BANK1: variants seen among roughly 807,000 people sequenced by gnomAD.
The protein encoded by BANK1 is B cell scaffold protein with ankyrin repeats 1, also known as B-cell scaffold protein with ankyrin repeats.
Under a neutral mutation model 94.5 loss-of-function variants are expected in BANK1, and 95 were observed. That is an observed-to-expected ratio of 1.00 (90% CI 0.85 to 1.19). The LOEUF is 1.19. BANK1 is among the 50% of genes most tolerant of loss of function. The probability of loss-of-function intolerance (pLI) is 0.00; values close to 1 mark genes in which losing one functional copy is unlikely to be tolerated. For synonymous variants in BANK1, 334 were observed against 308.4 expected, an observed-to-expected ratio of 1.08 and a Z score of -0.87; for missense variants, 987 against 932.2, an observed-to-expected ratio of 1.06 and a Z score of -0.77.
intron 1 of BANK1, among the ~76,000 whole-genome samples, chr4:101,799,800 G>T (rs940715558): frequency 6.6e-6 from 1 of 152,156 alleles, no homozygotes; most frequent in Non-Finnish European, 1.5e-5. Flanking sequence ...CATGAACCTG[G>T]GAGGCGGAGC....
intron 6 of BANK1, among the ~76,000 whole-genome samples, chr4:101,898,718 T>C (rs1722175632): frequency 6.6e-6 from 1 of 152,086 alleles, no homozygotes; most frequent in Non-Finnish European, 1.5e-5. Flanking sequence ...TAGAGTTATT[T>C]TGGTAAATTC....
intron 6 of BANK1, among the ~76,000 whole-genome samples, chr4:101,899,660 A>G (rs1722207985): frequency 6.6e-6 from 1 of 152,226 alleles, no homozygotes; most frequent in Non-Finnish European, 1.5e-5. Flanking sequence ...GCTTACAAAC[A>G]TACTGTGGTT....
intron 2 of BANK1, among the ~76,000 whole-genome samples, chr4:101,834,221 G>A (rs13145909): frequency 0.42 from 63,984 of 151,924 alleles, 13,801 homozygotes; most frequent in African/African-American, 0.48. Flanking sequence ...TTCTATTCAT[G>A]CTCGGTAAGA....
At chr4:102,027,944 A>G (rs1463339972) in intron 9 of BANK1, among the ~76,000 whole-genome samples, 1 of 152,112 alleles carries the variant, frequency 6.6e-6, no homozygotes, top group Non-Finnish European at 1.5e-5. Context: ...TCTTTTTTAT[A>G]CAGTCTTGAC....
At chr4:102,024,160 A>G (rs1727003632) in intron 8 of BANK1, among the ~76,000 whole-genome samples, 1 of 152,192 alleles carries the variant, frequency 6.6e-6, no homozygotes, top group Admixed American at 6.5e-5. Flanking sequence ...TCTACATTCT[A>G]CAGTGTAATT....
chr4:101,793,731 G>A (rs1725067063), intron 1 of BANK1, among the ~76,000 whole-genome samples: 1 of 152,140 alleles, frequency 6.6e-6, no homozygotes, highest in Non-Finnish European at 1.5e-5. Flanking sequence ...CAAAATCCAA[G>A]AGAAGAAATC....
intron 5 of BANK1, among the ~76,000 whole-genome samples, chr4:101,886,904 G>A (rs187845989): frequency 1.2e-3 from 179 of 152,150 alleles, no homozygotes; most frequent in African/African-American, 3.8e-3. Context: ...GATGCTAGTC[G>A]TTCCCCAGTA....
intron 2 of BANK1, among the ~76,000 whole-genome samples, chr4:101,846,937 G>A (rs889816282): frequency 6.6e-6 from 1 of 152,124 alleles, no homozygotes; most frequent in African/African-American, 2.4e-5. Context: ...TTCATTTATT[G>A]CTCAGAACCT....
chr4:101,936,435 T>G (rs1047595200), intron 7 of BANK1, among the ~76,000 whole-genome samples: 1 of 150,242 alleles, frequency 6.7e-6, no homozygotes, highest in African/African-American at 2.4e-5. Context: ...ATGTATAAGA[T>G]GTATACATGT....
intron 13 of BANK1, among the ~76,000 whole-genome samples, chr4:102,067,113 T>A (rs1407463504): frequency 6.6e-6 from 1 of 152,026 alleles, no homozygotes; most frequent in Non-Finnish European, 1.5e-5. Context: ...TGTTTTATTT[T>A]AAAAATAGAA....
chr4:101,790,857 G>A lies in BANK1; in HGVS notation c.-24G>A, dbSNP rs1401482303. The stretch of plus-strand genomic sequence containing the variant: ...AGCGCTCGGCGGGCAGCAGTGCGCA[G>A]GCCCCTCGGCTTCAACCGCCACAAT... On this transcript the variant is annotated 5_prime_UTR_variant, in exon 1 of 17. Transcript: ENST00000322953. 4 of 1,535,716 alleles carry A rather than the reference G, an allele frequency of 2.6e-6. 1 individual carries two copies. Among genetic ancestry groups the A allele is most frequent in the Non-Finnish European group, 3.5e-6 (4 of 1,145,476 alleles).
At chr4:101,928,780 C>CA (rs1295243343) in intron 7 of BANK1, among the ~76,000 whole-genome samples, 1 of 151,704 alleles carries the variant, frequency 6.6e-6, no homozygotes, top group African/African-American at 2.4e-5. Flanking sequence ...AATAAGCCCA[C>CA]AGTGCAACTA....
intron 5 of BANK1, among the ~76,000 whole-genome samples, chr4:101,884,766 C>T (rs1433592736): frequency 6.6e-6 from 1 of 152,202 alleles, no homozygotes; most frequent in Non-Finnish European, 1.5e-5. Context: ...CATATCTCAA[C>T]AGTTCTAACA....
intron 7 of BANK1, among the ~76,000 whole-genome samples, chr4:101,994,810 T>C (rs2850378): frequency 0.36 from 55,301 of 151,984 alleles, 10,808 homozygotes; most frequent in Non-Finnish European, 0.43. Flanking sequence ...AAAATCACTT[T>C]ATTGCACAGA....
At chr4:101,894,657 A>G (rs1560620844) in intron 5 of BANK1, among the ~76,000 whole-genome samples, 2 of 152,018 alleles carry the variant, frequency 1.3e-5, no homozygotes. Context: ...CGTCCCAGTC[A>G]TAGCATGACA....
At chr4:102,020,454 T>C (rs890757677) in intron 7 of BANK1, among the ~76,000 whole-genome samples, 3 of 152,112 alleles carry the variant, frequency 2.0e-5, no homozygotes, top group Admixed American at 2.0e-4. Flanking sequence ...TAAAAAATAC[T>C]GAAAATATTT....
chr4:101,861,669 GTA>G (rs1305900836), intron 3 of BANK1, among the ~76,000 whole-genome samples: 1 of 151,930 alleles, frequency 6.6e-6, no homozygotes, highest in Admixed American at 6.6e-5. Flanking sequence ...TTTGGTATGT[GTA>G]TGTGTGTGTG....
intron 7 of BANK1, among the ~76,000 whole-genome samples, chr4:101,987,249 A>G (rs1725538619): frequency 6.6e-6 from 1 of 151,980 alleles, no homozygotes; most frequent in Admixed American, 6.6e-5. Flanking sequence ...AACACTTATT[A>G]TAATATTTAC....
chr4:101,818,875 T>A (rs1365242151), intron 1 of BANK1, among the ~76,000 whole-genome samples: 1 of 139,092 alleles, frequency 7.2e-6, no homozygotes, highest in African/African-American at 3.1e-5. Flanking sequence ...TTACTGTATT[T>A]TTTTTTTTTT....
Sources: gnomAD v4.1 joint callset for allele counts (sites outside exome capture counted in the v4.1 genomes callset) on GRCh38, gnomAD v4.1.1 for gene constraint, MANE v1.5 for transcripts, NCBI Gene and HGNC (gene_info 2026-07-23, HGNC 2026-07-21) for gene names.